PLAC8: variants seen among roughly 807,000 people sequenced by gnomAD.
The protein encoded by PLAC8 is placenta associated 8, also known as placenta-specific gene 8 protein.
In PLAC8, 6 loss-of-function variants were observed where a neutral mutation model predicts 12.6. The observed-to-expected ratio is 0.48, with a 90% CI of 0.26 to 0.94. PLAC8 has a LOEUF of 0.94. PLAC8 is among the 40% of genes least tolerant of loss of function. PLAC8 has a pLI of 0.14. For missense variants in PLAC8, 122 were observed against 152.7 expected (o/e 0.80, Z 1.06); for synonymous variants, 54 against 52.6 (o/e 1.03, Z -0.11).
At chr4:83,105,124 G>A in intron 2 of PLAC8, 104 bp from the exon 3 acceptor site, 1 of 1,281,196 alleles carries the variant, frequency 7.8e-7, no homozygotes, top group South Asian at 1.3e-5. Flanking sequence ...TGGGGCCTTG[G>A]CCGCAAAGCC....
chr4:83,107,767 G>T, intron 2 of PLAC8, 37 bp downstream of exon 2: 1 of 1,260,042 alleles, frequency 7.9e-7, no homozygotes, highest in Non-Finnish European at 1.1e-6. Flanking sequence ...AATTCACCTC[G>T]GTATCAAATA....
chr4:83,112,159 G>A (rs1173718397), intron 1 of PLAC8, among the ~76,000 whole-genome samples: 3 of 146,278 alleles, frequency 2.1e-5, no homozygotes, highest in Admixed American at 6.7e-5. Flanking sequence ...GGATGACAGA[G>A]CGAGACTCCG....
intron 1 of PLAC8, among the ~76,000 whole-genome samples, chr4:83,113,468 C>G (rs928715665): frequency 6.6e-6 from 1 of 152,182 alleles, no homozygotes; most frequent in African/African-American, 2.4e-5. Flanking sequence ...TTACTAATAA[C>G]TACAGATCCA....
intron 3 of PLAC8, among the ~76,000 whole-genome samples, chr4:83,099,972 C>T (rs1732049746): frequency 6.6e-6 from 1 of 151,382 alleles, no homozygotes; most frequent in African/African-American, 2.4e-5. Flanking sequence ...TACCACTGCA[C>T]TCCAGCCTGG....
intron 1 of PLAC8, among the ~76,000 whole-genome samples, chr4:83,109,337 A>AT (rs1311242362): frequency 2.6e-5 from 4 of 152,274 alleles, no homozygotes; most frequent in South Asian, 4.1e-4. Flanking sequence ...CTTCTGTTTG[A>AT]TTTTTTTAAA....
At chr4:83,105,601 G>A (rs1732217578) in intron 2 of PLAC8, among the ~76,000 whole-genome samples, 1 of 152,242 alleles carries the variant, frequency 6.6e-6, no homozygotes, top group Non-Finnish European at 1.5e-5. Flanking sequence ...TGGGGGTTGA[G>A]GCAGGTTGGG....
intron 3 of PLAC8, among the ~76,000 whole-genome samples, chr4:83,099,937 C>G (rs1331582806): frequency 6.7e-6 from 1 of 150,252 alleles, no homozygotes; most frequent in African/African-American, 2.5e-5. Flanking sequence ...ACCTGGGAGG[C>G]AGAGGTTGCA....
chr4:83,092,374 T>C (rs1731826293), intron 4 of PLAC8, among the ~76,000 whole-genome samples: 1 of 151,876 alleles, frequency 6.6e-6, no homozygotes, highest in Non-Finnish European at 1.5e-5. Flanking sequence ...GATTAATATT[T>C]ATTATTTTAA....
chr4:83,107,536 T>G (rs1293809860), intron 2 of PLAC8, among the ~76,000 whole-genome samples: 2 of 151,134 alleles, frequency 1.3e-5, no homozygotes, highest in Non-Finnish European at 3.0e-5. Flanking sequence ...TCAGCTCTTT[T>G]GCTATTATCT....
chr4:83,111,154 G>GA (rs1476521000), intron 1 of PLAC8, among the ~76,000 whole-genome samples: 1 of 152,148 alleles, frequency 6.6e-6, no homozygotes, highest in African/African-American at 2.4e-5. Flanking sequence ...TTTCTGTAGA[G>GA]ATGGGGGTCT....
intron 3 of PLAC8, among the ~76,000 whole-genome samples, chr4:83,102,522 G>C (rs1312480952): frequency 6.6e-6 from 1 of 152,132 alleles, no homozygotes; most frequent in Non-Finnish European, 1.5e-5. Context: ...CTGGGTGACA[G>C]AGTGAGACCC....
At chr4:83,098,181 C>T (rs1731991473) in intron 3 of PLAC8, among the ~76,000 whole-genome samples, 1 of 152,018 alleles carries the variant, frequency 6.6e-6, no homozygotes, top group African/African-American at 2.4e-5. Context: ...ATTGTCTTAA[C>T]CTAAAAGACT....
At chr4:83,113,203 C>T (rs1732463023) in intron 1 of PLAC8, among the ~76,000 whole-genome samples, 1 of 152,338 alleles carries the variant, frequency 6.6e-6, no homozygotes, top group Non-Finnish European at 1.5e-5. Flanking sequence ...ACTAGAAAAA[C>T]GTGGCCCTTC....
At chr4:83,114,312 A>G (rs1313027690) in intron 1 of PLAC8, among the ~76,000 whole-genome samples, 5 of 152,246 alleles carry the variant, frequency 3.3e-5, no homozygotes, top group African/African-American at 1.2e-4. Context: ...TTAGACCGGC[A>G]TAAGTCAACA....
At chr4:83,107,659 C>CTTTTTTTTTTTTT (rs1436236575) in intron 2 of PLAC8, 145 bp downstream of exon 2, 2 of 26,808 alleles carry the variant, frequency 7.5e-5, no homozygotes, top group African/African-American at 1.3e-4. Flanking sequence ...TTTTTTTTTG[C>CTTTTTTTTTTTTT]TAAACATACC....
chr4:83,101,068 G>A (rs955063741), intron 3 of PLAC8, among the ~76,000 whole-genome samples: 2 of 152,122 alleles, frequency 1.3e-5, no homozygotes, highest in Non-Finnish European at 2.9e-5. Flanking sequence ...CGGGTTCTAT[G>A]AAGGATAAGA....
chr4:83,103,371 G>C (rs1732155871), intron 3 of PLAC8, among the ~76,000 whole-genome samples: 1 of 152,104 alleles, frequency 6.6e-6, no homozygotes, highest in South Asian at 2.1e-4. Context: ...CTCCAGCCTG[G>C]CAACAGAGTG....
intron 1 of PLAC8, among the ~76,000 whole-genome samples, chr4:83,111,651 C>T (rs1276364324): frequency 6.6e-6 from 1 of 152,022 alleles, no homozygotes; most frequent in African/African-American, 2.4e-5. Flanking sequence ...CATTTAACAC[C>T]CTTATTTTTT....
At chr4:83,092,282 A>G (rs1215249800) in intron 4 of PLAC8, among the ~76,000 whole-genome samples, 1 of 152,242 alleles carries the variant, frequency 6.6e-6, no homozygotes, top group Non-Finnish European at 1.5e-5. Flanking sequence ...TATTTATTTA[A>G]GTAAACAGTG....
Sources: gnomAD v4.1 joint callset for allele counts (sites outside exome capture counted in the v4.1 genomes callset) on GRCh38, gnomAD v4.1.1 for gene constraint, MANE v1.5 for transcripts, NCBI Gene and HGNC (gene_info 2026-07-23, HGNC 2026-07-21) for gene names.